PRKD1: variants seen among roughly 807,000 people sequenced by gnomAD.
The protein encoded by PRKD1 is serine/threonine-protein kinase D1.
Under a neutral mutation model 95.9 loss-of-function variants are expected in PRKD1, and 63 were observed. That is an observed-to-expected ratio of 0.66 (90% CI 0.54 to 0.81). The LOEUF is 0.81. PRKD1 is among the 30% of genes least tolerant of loss of function. The pLI is 0.00. For synonymous variants in PRKD1, 425 were observed against 423.1 expected (o/e 1.00, Z -0.05); for missense variants, 1,048 against 1,165.3 (o/e 0.90, Z 1.47).
intron 4 of PRKD1, among the ~76,000 whole-genome samples, chr14:29,656,062 G>A (rs1343247711): frequency 2.6e-5 from 4 of 152,048 alleles, no homozygotes; most frequent in African/African-American, 7.2e-5. Context: ...CTGGGATCAG[G>A]ACATAGTTCC....
At chr14:29,669,168 TA>T (rs1484050188) in intron 2 of PRKD1, among the ~76,000 whole-genome samples, 2 of 152,288 alleles carry the variant, frequency 1.3e-5, no homozygotes, top group East Asian at 3.9e-4. Flanking sequence ...AGCCATGAAA[TA>T]AAGTATAGAA....
At chr14:29,709,692 C>G (rs1187806952) in intron 2 of PRKD1, among the ~76,000 whole-genome samples, 1 of 152,116 alleles carries the variant, frequency 6.6e-6, no homozygotes, top group African/African-American at 2.4e-5. Flanking sequence ...CAGGAGAAGG[C>G]TGATGCAACA....
intron 1 of PRKD1, among the ~76,000 whole-genome samples, chr14:29,800,787 A>T (rs754449735): frequency 1.3e-5 from 2 of 152,132 alleles, no homozygotes; most frequent in Non-Finnish European, 2.9e-5. Flanking sequence ...TTAAGTTGTG[A>T]CATCCCTCTA....
At chr14:29,922,405 T>C (rs1895150871) in intron 1 of PRKD1, among the ~76,000 whole-genome samples, 1 of 151,924 alleles carries the variant, frequency 6.6e-6, no homozygotes, top group Non-Finnish European at 1.5e-5. Flanking sequence ...TTGCAGTCTA[T>C]AACACAAAAT....
intron 4 of PRKD1, among the ~76,000 whole-genome samples, chr14:29,648,147 A>G (rs752546715): frequency 2.6e-5 from 4 of 152,200 alleles, no homozygotes; most frequent in African/African-American, 4.8e-5. Context: ...TTCTTTTTTA[A>G]CTTTTACTTC....
At chr14:29,647,940 G>C (rs1441853685) in intron 4 of PRKD1, among the ~76,000 whole-genome samples, 6 of 152,204 alleles carry the variant, frequency 3.9e-5, no homozygotes, top group Admixed American at 3.9e-4. Context: ...AACAAAAGCA[G>C]TTAATCATTA....
chr14:29,812,505 A>G (rs1890530305), intron 1 of PRKD1, among the ~76,000 whole-genome samples: 1 of 152,174 alleles, frequency 6.6e-6, no homozygotes, highest in Admixed American at 6.5e-5. Context: ...GACTTGGGTA[A>G]TTTACAAAGG....
intron 1 of PRKD1, among the ~76,000 whole-genome samples, chr14:29,770,625 G>T (rs1888458086): frequency 6.6e-6 from 1 of 152,166 alleles, no homozygotes; most frequent in African/African-American, 2.4e-5. Flanking sequence ...TGGTATTTTT[G>T]TGTGAAGTAG....
At chr14:29,710,910 A>G (rs1356859630) in intron 2 of PRKD1, among the ~76,000 whole-genome samples, 1 of 152,186 alleles carries the variant, frequency 6.6e-6, no homozygotes, top group African/African-American at 2.4e-5. Flanking sequence ...CTGATTTCAA[A>G]ACTAGAAAGA....
At chr14:29,600,328 C>T (rs797014338) in intron 13 of PRKD1, among the ~76,000 whole-genome samples, 7 of 152,164 alleles carry the variant, frequency 4.6e-5, no homozygotes, top group African/African-American at 1.7e-4. Flanking sequence ...AACTCTTATA[C>T]TAAGTGAAGA....
In PRKD1 at chr14:29,656,444, A is replaced by G. The variant is rs1279226974; in HGVS notation, c.696+7255T>C. ...CTGGTTTGAAAAAGACAGTGAAGCA[A>G]ATTTCTAGCACCAGGTAGCATTAGT... On this transcript the variant is annotated intron_variant, in intron 4 of 17. Transcript: ENST00000331968. The G allele has an allele frequency of 1.4e-5, 21 of 1,520,946 alleles. No homozygotes were observed. In the East Asian group the frequency reaches 4.7e-4, roughly 34 times the overall value. The allele number at this position is 1,520,946 out of a possible 1,614,324, so 94.2% of individuals were successfully genotyped here. A position where few individuals can be genotyped will look rare whatever the true frequency, so the allele number is the denominator to read the frequency against.
intron 1 of PRKD1, among the ~76,000 whole-genome samples, chr14:29,760,291 T>C (rs554357302): frequency 1.3e-5 from 2 of 151,928 alleles, no homozygotes; most frequent in Non-Finnish European, 2.9e-5. Context: ...AAACAGCGTC[T>C]GGATTTTGAA....
chr14:29,740,308 T>C (rs1594474730), intron 1 of PRKD1, among the ~76,000 whole-genome samples: 1 of 152,216 alleles, frequency 6.6e-6, no homozygotes, highest in African/African-American at 2.4e-5. Context: ...TTAAAAATAA[T>C]AGACACAGGT....
chr14:29,644,900 T>C (rs916082152), intron 4 of PRKD1, among the ~76,000 whole-genome samples: 4 of 152,040 alleles, frequency 2.6e-5, no homozygotes, highest in Non-Finnish European at 5.9e-5. Context: ...TACAACTATT[T>C]ATACATTTTA....
chr14:29,655,282 C>T (rs1881767177), intron 4 of PRKD1, among the ~76,000 whole-genome samples: 1 of 152,124 alleles, frequency 6.6e-6, no homozygotes, highest in Non-Finnish European at 1.5e-5. Flanking sequence ...AAGTAGGACA[C>T]TTTTTGAGTA....
At chr14:29,731,327 C>A (rs1227210427) in intron 1 of PRKD1, among the ~76,000 whole-genome samples, 1 of 152,112 alleles carries the variant, frequency 6.6e-6, no homozygotes, top group Non-Finnish European at 1.5e-5. Context: ...AAATTTAACA[C>A]TTTTACATTT....
At chr14:29,676,386 C>T (rs776446332) in intron 2 of PRKD1, among the ~76,000 whole-genome samples, 1 of 151,896 alleles carries the variant, frequency 6.6e-6, no homozygotes, top group African/African-American at 2.4e-5. Context: ...AAAGGAGTCT[C>T]GCTATGTCGC....
At chr14:29,641,206 T>C (rs1045988478) in intron 4 of PRKD1, among the ~76,000 whole-genome samples, 4 of 152,178 alleles carry the variant, frequency 2.6e-5, no homozygotes, top group Admixed American at 2.0e-4. Flanking sequence ...GCACAGAATA[T>C]GTAATTTATA....
chr14:29,659,156 C>T (rs556063284), intron 4 of PRKD1, among the ~76,000 whole-genome samples: 2 of 152,332 alleles, frequency 1.3e-5, no homozygotes, highest in South Asian at 2.1e-4. Flanking sequence ...CACTTCTGCT[C>T]CTTCCCAGTT....
Sources: allele counts gnomAD v4.1 joint callset (sites outside exome capture counted in the v4.1 genomes callset), GRCh38; gene constraint gnomAD v4.1.1; transcripts MANE v1.5; gene names NCBI Gene and HGNC (gene_info 2026-07-23, HGNC 2026-07-21).